The following USP4 variants were observed in gnomAD, a reference collection of about 807,000 sequenced individuals.
The protein encoded by USP4 is ubiquitin specific peptidase 4.
USP4 carries 72 observed loss-of-function variants against 118.2 expected under a neutral mutation model. The ratio of observed to expected loss-of-function variants is 0.61; its 90% CI spans 0.50 to 0.74. USP4 has a LOEUF of 0.74. Ranked by LOEUF, USP4 falls within the 30% of genes least tolerant of loss-of-function variation. USP4 has a pLI of 0.00. For synonymous variants in USP4, 415 were observed against 440.4 expected (o/e 0.94, Z 0.72); for missense variants, 1,037 against 1,185.7 (o/e 0.87, Z 1.84).
At chr3:49,317,037 G>T in intron 6 of USP4, 2 of 919,644 alleles carry the variant, frequency 2.2e-6, no homozygotes, top group Non-Finnish European at 3.5e-6. Context: ...ACTTGCTGGG[G>T]CTGAGTTGAG....
intron 15 of USP4, among the ~76,000 whole-genome samples, chr3:49,286,904 C>A (rs2047097255): frequency 6.6e-6 from 1 of 152,106 alleles, no homozygotes; most frequent in South Asian, 2.1e-4. Flanking sequence ...GGCTAGAGTG[C>A]AATGGCACGA....
At chr3:49,318,494 T>C in intron 6 of USP4, 1 of 985,422 alleles carries the variant, frequency 1.0e-6, no homozygotes, top group Non-Finnish European at 1.2e-6. Context: ...CAAAGCCAGG[T>C]CTACACAAAC....
intron 6 of USP4, chr3:49,313,895 AAC>A (rs1192056696): frequency 6.6e-6 from 1 of 151,878 alleles, no homozygotes; most frequent in African/African-American, 2.4e-5. Context: ...AATCCATAGC[AAC>A]AGTCTCCTTA....
intron 6 of USP4, among the ~76,000 whole-genome samples, chr3:49,320,224 T>C (rs956505375): frequency 1.3e-5 from 2 of 152,176 alleles, no homozygotes; most frequent in Non-Finnish European, 1.5e-5. Context: ...CCTGACTCTT[T>C]TTTTCCAAGA....
intron 8 of USP4, among the ~76,000 whole-genome samples, chr3:49,309,941 A>ATTTTTTTTTTTT (rs2047365541): frequency 1.3e-4 from 2 of 15,400 alleles, no homozygotes; most frequent in African/African-American, 3.1e-4. Flanking sequence ...CTTTTTTTTA[A>ATTTTTTTTTTTT]TCTTTTTTTT....
intron 15 of USP4, 72 bp from the exon 16 acceptor site, chr3:49,286,397 A>AT (rs766426541): frequency 2.8e-6 from 4 of 1,416,498 alleles, no homozygotes; most frequent in Non-Finnish European, 3.9e-6. Flanking sequence ...TATTTAATAC[A>AT]TAACTATGGT....
At position 49,310,469 on chromosome 3, in the gene USP4, C is replaced by T. The variant is rs182465952; in HGVS notation, c.954+151G>A. On this transcript the variant is annotated intron_variant, in intron 8 of 21. Coordinates refer to ENST00000265560, the MANE Select transcript of USP4 (RefSeq NM_003363.4). ...ACACTGATGAAGCCATTCTATACCACCTAGTGGGAGATGCCCTAGCAGAGA... is the reference window on the plus strand; with the variant it reads ...ACACTGATGAAGCCATTCTATACCATCTAGTGGGAGATGCCCTAGCAGAGA... 1.0e-4 allele frequency: 72 copies of T among 706,282 alleles called. No homozygotes were observed. The African/African-American group carries it at 1.2e-3, about 12-fold the overall frequency. 43.8% of individuals were successfully genotyped at this position (706,282 alleles called of 1,614,324 possible).
intron 3 of USP4, among the ~76,000 whole-genome samples, 171 bp downstream of exon 3, chr3:49,327,515 G>C (rs745426261): frequency 6.6e-6 from 1 of 151,908 alleles, no homozygotes; most frequent in African/African-American, 2.4e-5. Flanking sequence ...CAGCCTGGGC[G>C]ACAAGTGCAC....
Position 49,283,972 on chromosome 3 carries a change from G to A in USP4, c.2540+15C>T, listed in dbSNP as rs572348233. 3.1e-6 allele frequency: 5 copies of A among 1,613,960 alleles called. No individual in the cohort carries two copies. Among genetic ancestry groups the A allele is most frequent in the Non-Finnish European group, 4.2e-6 (5 of 1,179,930 alleles). ...GTTTTTAAATGTTCCTAACACTGTA[G>A]TCACCATGACCCACCTGATTGGGAA... On this transcript the variant is annotated intron_variant, in intron 19 of 21. Coordinates refer to ENST00000265560, the MANE Select transcript of USP4 (RefSeq NM_003363.4).
chr3:49,284,162 A>G, intron 18 of USP4, 26 bp from the exon 19 acceptor site: 1 of 1,613,712 alleles, frequency 6.2e-7, no homozygotes, highest in Non-Finnish European at 8.5e-7. Context: ...TCCACTTAGC[A>G]GGGCAAGCCG....
At chr3:49,281,491 T>TATATATATATAC (rs1242949530) in intron 19 of USP4, among the ~76,000 whole-genome samples, 3 of 126,540 alleles carry the variant, frequency 2.4e-5, no homozygotes, top group African/African-American at 9.8e-5. Flanking sequence ...TATATATATA[T>TATATATATATAC]ACACACACAC....
At chr3:49,295,714 G>GCGCGCGCGCGCGCACACA (rs149459963) in intron 13 of USP4, among the ~76,000 whole-genome samples, 1 of 148,320 alleles carries the variant, frequency 6.7e-6, no homozygotes, top group Non-Finnish European at 1.5e-5. Flanking sequence ...GCGCGCGCGC[G>GCGCGCGCGCGCGCACACA]CACACACACA....
chr3:49,339,792 G>T, intron 1 of USP4, 132 bp downstream of exon 1: 2 of 652,514 alleles, frequency 3.1e-6, no homozygotes, highest in African/African-American at 1.9e-5. Context: ...CTCCTGAGGG[G>T]CAGGTGTCAG....
chr3:49,313,255 G>A (rs182082384), intron 6 of USP4, among the ~76,000 whole-genome samples: 1 of 152,216 alleles, frequency 6.6e-6, no homozygotes, highest in African/African-American at 2.4e-5. Flanking sequence ...GGCCAGGCGA[G>A]GTAGCTCACG....
intron 6 of USP4, chr3:49,312,585 A>C: frequency 2.4e-6 from 1 of 413,714 alleles, no homozygotes; most frequent in Non-Finnish European, 4.9e-6. Flanking sequence ...GCGCCATTGC[A>C]CTCCAGCCTG....
intron 3 of USP4, among the ~76,000 whole-genome samples, chr3:49,326,369 CT>C (rs1310911810): frequency 6.6e-6 from 1 of 151,980 alleles, no homozygotes; most frequent in Non-Finnish European, 1.5e-5. Context: ...CCAAGAGCAT[CT>C]TGATGATATT....
intron 6 of USP4, among the ~76,000 whole-genome samples, chr3:49,313,399 A>G (rs1337634462): frequency 1.3e-5 from 2 of 152,072 alleles, no homozygotes; most frequent in Non-Finnish European, 2.9e-5. Flanking sequence ...CTAGTGGCGC[A>G]TGCCTGTAAT....
intron 1 of USP4, 35 bp from the exon 2 acceptor site, chr3:49,335,631 G>A: frequency 1.2e-6 from 2 of 1,612,194 alleles, no homozygotes; most frequent in Non-Finnish European, 1.7e-6. Flanking sequence ...TAGCAGAAAA[G>A]CTGAGATTAT....
At position 49,284,862 on chromosome 3, in the gene USP4, T is replaced by A; in HGVS notation, c.2258A>T (p.Glu753Val). The change falls in exon 17 of 22, where the codon GAG (glutamate) becomes GTG (valine). Residue 753 changes from glutamate (E) to valine (V), a missense_variant. Physicochemically the swap from Glu to Val is moderately radical, Grantham distance 121. This residue lies in a region of USP4 where 522 missense variants were observed against 592.6 expected (regional missense o/e 0.88). Coordinates refer to ENST00000265560, the MANE Select transcript of USP4 (RefSeq NM_003363.4). ...CGAGGGACCTACCTCAGATTCTTGC[T>A]CATCATAGTAAAGTCTCCGAGTTTC... ...DSETRRLYYD[E>V]QESEAYEKHV... The A allele has an allele frequency of 6.2e-7, 1 of 1,613,730 alleles. No homozygotes were observed.
Sources: gnomAD v4.1 joint callset for allele counts (sites outside exome capture counted in the v4.1 genomes callset) on GRCh38, gnomAD v4.1.1 for gene constraint, gnomAD v4.1.1 regional missense constraint, MANE v1.5 for transcripts, NCBI Gene and HGNC (gene_info 2026-07-23, HGNC 2026-07-21) for gene names.